UBE2E3: variants seen among roughly 807,000 people sequenced by gnomAD.
UBE2E3 encodes ubiquitin conjugating enzyme E2 E3.
Under a neutral mutation model 23.6 loss-of-function variants are expected in UBE2E3, and 5 were observed. The ratio of observed to expected loss-of-function variants is 0.21; its 90% CI spans 0.11 to 0.44. The LOEUF is 0.44. Among genes scored for constraint, UBE2E3 ranks in the 20% least tolerant of loss-of-function variants. UBE2E3 has a pLI of 0.99. For missense variants in UBE2E3, 81 were observed against 249.8 expected (o/e 0.32, Z 4.55); for synonymous variants, 78 against 87.5 (o/e 0.89, Z 0.60).
At chr2:180,992,945 A>G (rs1253423265) in intron 3 of UBE2E3, among the ~76,000 whole-genome samples, 5 of 152,180 alleles carry the variant, frequency 3.3e-5, no homozygotes, top group African/African-American at 1.2e-4. Context: ...AACAGAACTA[A>G]TGTTCTCAGG....
intron 3 of UBE2E3, chr2:180,987,366 A>G (rs1017288962): frequency 6.5e-7 from 1 of 1,550,088 alleles, no homozygotes; most frequent in African/African-American, 1.4e-5. Flanking sequence ...CCTAGTCACC[A>G]CTTGTGCAAA....
chr2:180,987,476 A>G, intron 3 of UBE2E3: 12 of 1,465,634 alleles, frequency 8.2e-6, no homozygotes, highest in Non-Finnish European at 1.0e-5. Flanking sequence ...TTAAGAGTGT[A>G]TGTTCAGATT....
chr2:181,056,335 G>A (rs1336795282), intron 3 of UBE2E3, among the ~76,000 whole-genome samples: 3 of 151,638 alleles, frequency 2.0e-5, no homozygotes, highest in Non-Finnish European at 4.4e-5. Context: ...TGATTTTATT[G>A]CTGTAACAGA....
At chr2:181,002,371 A>C (rs993517673) in intron 3 of UBE2E3, among the ~76,000 whole-genome samples, 1 of 152,194 alleles carries the variant, frequency 6.6e-6, no homozygotes, top group African/African-American at 2.4e-5. Flanking sequence ...GAAAAAGTAT[A>C]GAAGGATAAA....
chr2:181,005,340 A>G (rs1422511169), intron 3 of UBE2E3, among the ~76,000 whole-genome samples: 1 of 152,178 alleles, frequency 6.6e-6, no homozygotes, highest in Admixed American at 6.5e-5. Flanking sequence ...TTTCATCAGA[A>G]GTCTAATGCA....
At chr2:181,017,527 T>C (rs1434870900) in intron 3 of UBE2E3, among the ~76,000 whole-genome samples, 1 of 151,964 alleles carries the variant, frequency 6.6e-6, no homozygotes, top group Non-Finnish European at 1.5e-5. Flanking sequence ...AGACAGCGTG[T>C]ATGTGTATTG....
At chr2:181,060,857 AGTGC>A in intron 5 of UBE2E3, 45 bp downstream of exon 5, 1 of 533,926 alleles carries the variant, frequency 1.9e-6, no homozygotes, top group Non-Finnish European at 2.7e-6. Flanking sequence ...TACAAAAACG[AGTGC>A]TTTTTTTTTT....
At chr2:180,992,667 T>G (rs953624574) in intron 3 of UBE2E3, among the ~76,000 whole-genome samples, 3 of 151,870 alleles carry the variant, frequency 2.0e-5, no homozygotes, top group African/African-American at 4.8e-5. Context: ...GACTAACTTT[T>G]TTTTTCTTTT....
intron 3 of UBE2E3, among the ~76,000 whole-genome samples, chr2:181,019,043 A>G (rs1327505192): frequency 2.0e-5 from 3 of 152,098 alleles, no homozygotes; most frequent in Non-Finnish European, 4.4e-5. Flanking sequence ...TGCTCACTGC[A>G]ACCTCTGCCT....
chr2:181,033,328 G>A (rs28887797), intron 3 of UBE2E3, among the ~76,000 whole-genome samples: 6,295 of 152,172 alleles, frequency 0.041, 173 homozygotes, highest in African/African-American at 0.075. Flanking sequence ...GTACCAAAAC[G>A]GAGATATAGA....
chr2:181,001,466 G>A lies in UBE2E3; in HGVS notation c.245+17373G>A, dbSNP rs574748831. On this transcript the variant is annotated intron_variant, in intron 3 of 5. Transcript: ENST00000410062. ...CCCCAACTGTGAATGTAGAGGGTGG[G>A]ACATCAAGAAGTGGAAATACAACAA... is the stretch of plus-strand genomic sequence containing the variant. 5.9e-5 allele frequency among the ~76,000 whole-genome samples: 9 copies of A among 152,252 alleles called. No homozygotes were observed. In the South Asian group the frequency reaches 1.2e-3, roughly 21 times the overall value.
chr2:181,040,018 C>A (rs1686434406), intron 3 of UBE2E3, among the ~76,000 whole-genome samples: 1 of 152,074 alleles, frequency 6.6e-6, no homozygotes, highest in Non-Finnish European at 1.5e-5. Flanking sequence ...ATGTAGAACC[C>A]ATGGGTACAG....
chr2:180,985,157 C>G (rs57670948), intron 3 of UBE2E3, among the ~76,000 whole-genome samples: 2 of 151,964 alleles, frequency 1.3e-5, no homozygotes, highest in Admixed American at 1.3e-4. Flanking sequence ...CTGATTTATC[C>G]GATGAATGAA....
rs114308445 is a variant in UBE2E3 at position 181,044,246 on chromosome 2, A to G, written c.246-13447A>G. 8.5e-3 allele frequency among the ~76,000 whole-genome samples: 1,291 copies of G among 152,282 alleles called. 20 individuals are homozygous for G. Among genetic ancestry groups the G allele is most frequent in the African/African-American group, 0.029 (1,225 of 41,570 alleles). ...GATGACGGTTGGTCAGAAAAAGTAT[A>G]ATGTTCAATAAGTACTGAAAAAGTG... is the stretch of plus-strand genomic sequence containing the variant. On this transcript the variant is annotated intron_variant, in intron 3 of 5. Coordinates refer to ENST00000410062, the MANE Select transcript of UBE2E3 (RefSeq NM_006357.4).
Position 181,053,772 on chromosome 2 carries a change from C to T in UBE2E3, c.246-3921C>T, listed in dbSNP as rs142025622. Among the ~76,000 whole-genome samples, 354 of 151,854 alleles carry T rather than the reference C, an allele frequency of 2.3e-3. 1 individual carries two copies. Among genetic ancestry groups the T allele is most frequent in the African/African-American group, 8.2e-3 (342 of 41,480 alleles). ...GTTGTACATTTTATGGATTTTTACA[C>T]ATATATAGTGACATATCCGCCATTC... On this transcript the variant is annotated intron_variant, in intron 3 of 5. Transcript: ENST00000410062.
chr2:180,986,532 T>C (rs1015127375), intron 3 of UBE2E3, among the ~76,000 whole-genome samples: 7 of 152,174 alleles, frequency 4.6e-5, no homozygotes, highest in African/African-American at 1.4e-4. Flanking sequence ...TTATGTTCTT[T>C]TAATTGACAA....
intron 3 of UBE2E3, among the ~76,000 whole-genome samples, chr2:181,028,958 T>C (rs1423367100): frequency 2.0e-5 from 3 of 151,398 alleles, no homozygotes; most frequent in Admixed American, 6.6e-5. Flanking sequence ...GATATCTTTA[T>C]TTTTTTTTCA....
At chr2:181,057,441 T>C (rs959360871) in intron 3 of UBE2E3, among the ~76,000 whole-genome samples, 4 of 151,786 alleles carry the variant, frequency 2.6e-5, no homozygotes, top group Admixed American at 2.6e-4. Flanking sequence ...AGCAGAATGC[T>C]AATGGAGACT....
intron 3 of UBE2E3, among the ~76,000 whole-genome samples, chr2:181,020,971 A>G (rs1382414766): frequency 6.6e-6 from 1 of 152,190 alleles, no homozygotes; most frequent in Non-Finnish European, 1.5e-5. Flanking sequence ...GTAATATTTT[A>G]GTTGGACATG....
Sources: allele counts gnomAD v4.1 joint callset (sites outside exome capture counted in the v4.1 genomes callset), GRCh38; gene constraint gnomAD v4.1.1; transcripts MANE v1.5; gene names NCBI Gene and HGNC (gene_info 2026-07-23, HGNC 2026-07-21).